PLEKHM1: variants seen among roughly 807,000 people sequenced by gnomAD.
PLEKHM1 encodes pleckstrin homology and RUN domain containing M1, also known as pleckstrin homology domain-containing family M member 1.
A neutral mutation model predicts 94.3 loss-of-function variants in PLEKHM1; 28 were observed. The ratio of observed to expected loss-of-function variants is 0.30; its 90% confidence interval spans 0.22 to 0.41. The LOEUF (loss-of-function observed/expected upper bound fraction) is 0.41, where lower values mean the gene tolerates loss of function less well. Ranked by LOEUF, PLEKHM1 falls within the 10% of genes least tolerant of loss-of-function variation. The pLI is 1.00. For synonymous variants in PLEKHM1, 424 were observed against 581.2 expected, an observed-to-expected ratio of 0.73 and a Z score of 3.89; for missense variants, 907 against 1,358.6, an observed-to-expected ratio of 0.67 and a Z score of 5.22.
At chr17:45,438,217 T>C (rs988792539) in intron 11 of PLEKHM1, among the ~76,000 whole-genome samples, 1 of 152,222 alleles carries the variant, frequency 6.6e-6, no homozygotes, top group Admixed American at 6.5e-5. Flanking sequence ...TGAGATTCAT[T>C]AAAGATCTCT....
chr17:45,449,078 G>A (rs1377849911), intron 8 of PLEKHM1, among the ~76,000 whole-genome samples: 1 of 152,114 alleles, frequency 6.6e-6, no homozygotes, highest in Non-Finnish European at 1.5e-5. Flanking sequence ...CAATAACTGT[G>A]TATTATCTTA....
chr17:45,474,395 G>T (rs1567797390), intron 4 of PLEKHM1, among the ~76,000 whole-genome samples: 1 of 152,070 alleles, frequency 6.6e-6, no homozygotes, highest in Non-Finnish European at 1.5e-5. Context: ...AGAAGGCTCT[G>T]CCCAGTTCTC....
intron 1 of PLEKHM1, among the ~76,000 whole-genome samples, chr17:45,487,432 A>G (rs1249523483): frequency 6.6e-6 from 1 of 152,106 alleles, no homozygotes; most frequent in Non-Finnish European, 1.5e-5. Context: ...AAATTCAGAC[A>G]AACTATTACT....
chr17:45,474,706 T>C (rs1348428413), intron 4 of PLEKHM1, among the ~76,000 whole-genome samples: 2 of 152,234 alleles, frequency 1.3e-5, no homozygotes, highest in Non-Finnish European at 2.9e-5. Flanking sequence ...TATTTATTTA[T>C]TTTTAATTTA....
chr17:45,487,716 G>T (rs183194708), intron 1 of PLEKHM1: 22 of 456,076 alleles, frequency 4.8e-5, no homozygotes, highest in Non-Finnish European at 9.3e-5. Context: ...GAATGACTTG[G>T]ATGAGACTTA....
chr17:45,482,886 G>A (rs1234208410), intron 1 of PLEKHM1, among the ~76,000 whole-genome samples: 1 of 151,542 alleles, frequency 6.6e-6, no homozygotes, highest in Non-Finnish European at 1.5e-5. Context: ...CAGGTTCGAG[G>A]GGGAGGCTGC....
At chr17:45,452,449 G>A (rs1422077434) in intron 7 of PLEKHM1, among the ~76,000 whole-genome samples, 1 of 149,368 alleles carries the variant, frequency 6.7e-6, no homozygotes, top group Non-Finnish European at 1.5e-5. Context: ...AAACAAAAAA[G>A]GAAAATTCTG....
chr17:45,468,140 C>T (rs1277869962), intron 5 of PLEKHM1, 69 bp downstream of exon 5: 5 of 1,605,812 alleles, frequency 3.1e-6, no homozygotes, highest in Non-Finnish European at 4.3e-6. Flanking sequence ...CTCAGGGTCA[C>T]TAGCTGGGGA....
At chr17:45,454,992 G>A (rs985173731) in intron 6 of PLEKHM1, 2 of 159,516 alleles carry the variant, frequency 1.3e-5, no homozygotes, top group African/African-American at 4.8e-5. Context: ...AGCCAGGTGT[G>A]GTGAGCACCT....
At chr17:45,459,141 AAAAAAT>A (rs1272486619) in intron 5 of PLEKHM1, among the ~76,000 whole-genome samples, 15 of 152,144 alleles carry the variant, frequency 9.9e-5, no homozygotes, top group African/African-American at 3.6e-4. Flanking sequence ...CCCATCTCTA[AAAAAAT>A]AAATAAATAA....
In PLEKHM1 at chr17:45,475,957, G is replaced by A. The variant is rs1425940223; in HGVS notation, c.297-231C>T. On this transcript the variant is annotated intron_variant, in intron 3 of 11. Coordinates refer to ENST00000430334, the MANE Select transcript of PLEKHM1 (RefSeq NM_014798.3). ...GAGCTCAGGAATTCGTGACCAGCCT[G>A]GGCAACAGGACGAAACTCTGTCTCT... 6.6e-5 allele frequency: 40 copies of A among 607,030 alleles called. 1 individual carries two copies. In the Admixed American group the frequency reaches 8.7e-4, roughly 13 times the overall value. The allele number at this position is 607,030 out of a possible 1,614,324, so 37.6% of individuals were successfully genotyped here. A position where few individuals can be genotyped will look rare whatever the true frequency, so the allele number is the denominator to read the frequency against.
At position 45,436,091 on chromosome 17, in the gene PLEKHM1, A is replaced by C; in HGVS notation, c.*1767T>G. 1 of 456,566 alleles carries C rather than the reference A, an allele frequency of 2.2e-6. No individual in the cohort carries two copies. The highest frequency in any genetic ancestry group is 1.5e-5 in the South Asian group (1 of 64,576). The allele number at this position is 456,566 out of a possible 1,614,324, so 28.3% of individuals were successfully genotyped here. ...GAGGGGAGGCGGGAAGAGTCAATGC[A>C]TCTGAAAGCACTGGCAGCTTCTGGG... On this transcript the variant is annotated 3_prime_UTR_variant, in exon 12 of 12. Coordinates refer to ENST00000430334, the MANE Select transcript of PLEKHM1 (RefSeq NM_014798.3).
At chr17:45,488,229 G>T (rs1357901315) in intron 1 of PLEKHM1, among the ~76,000 whole-genome samples, 1 of 152,098 alleles carries the variant, frequency 6.6e-6, no homozygotes, top group Non-Finnish European at 1.5e-5. Context: ...GTATCACCCA[G>T]CTTTCCTGTA....
At position 45,444,296 on chromosome 17, in the gene PLEKHM1, C is replaced by G. The variant is rs938741059; in HGVS notation, c.2837+1174G>C. 1.2e-4 allele frequency among the ~76,000 whole-genome samples: 18 copies of G among 152,210 alleles called. No homozygotes were observed. Among genetic ancestry groups the G allele is most frequent in the African/African-American group, 4.3e-4 (18 of 41,444 alleles). The stretch of plus-strand genomic sequence containing the variant: ...ACCGGCAGGCTTCTCCGCCTGAGGT[C>G]TGCCCTCCTGAGGGTGCTGGGAGAG... On this transcript the variant is annotated intron_variant, in intron 9 of 11. Coordinates refer to ENST00000430334, the MANE Select transcript of PLEKHM1 (RefSeq NM_014798.3). This position sits in a 1 kb window ranked among gnomAD's most constrained non-coding sequence, Gnocchi z 5.0.
At chr17:45,489,775 G>T (rs547073585) in intron 1 of PLEKHM1, among the ~76,000 whole-genome samples, 92 of 152,266 alleles carry the variant, frequency 6.0e-4, no homozygotes, top group African/African-American at 2.2e-3. Flanking sequence ...GTTGGCAGGC[G>T]ACTCTGCACT....
chr17:45,456,637 C>T lies in PLEKHM1; in HGVS notation c.1579+1532G>A, dbSNP rs184809560. Among the ~76,000 whole-genome samples, 217 of 152,358 alleles carry T rather than the reference C, an allele frequency of 1.4e-3. 1 individual carries two copies. The highest frequency in any genetic ancestry group is 3.4e-3 in the African/African-American group (141 of 41,580). On this transcript the variant is annotated intron_variant, in intron 6 of 11. Coordinates refer to ENST00000430334, the MANE Select transcript of PLEKHM1 (RefSeq NM_014798.3). ...CAGACAAACCTAACAGAAGCCAGCC[C>T]GGAGACCGGGCTCTACCCACACAAC...
At position 45,439,562 on chromosome 17, in the gene PLEKHM1, C is replaced by T. The variant is rs373939822; in HGVS notation, c.2974G>A (p.Asp992Asn). 1.3e-5 allele frequency: 21 copies of T among 1,614,156 alleles called. No homozygotes were observed. The African/African-American group carries it at 1.6e-4, about 12-fold the overall frequency. Reference sequence around the variant, plus strand: ...ATGAAGCCGCGCTGGGTGCACAGGTCGCAGTGGTAGACATGCTGGGAGGCA... The same window carrying T: ...ATGAAGCCGCGCTGGGTGCACAGGTTGCAGTGGTAGACATGCTGGGAGGCA... Reference protein sequence around the residue: ...EFASQHVYHCDLCTQRGFICQ... With the variant: ...EFASQHVYHCNLCTQRGFICQ... The change falls in exon 11 of 12, where the codon GAC (aspartate) becomes AAC (asparagine). Residue 992 changes from aspartate (D) to asparagine (N), a missense_variant. By Grantham distance (23) the Asp-to-Asn change is conservative. This residue lies in a region of PLEKHM1 where 254 missense variants were observed against 451.1 expected (regional missense o/e 0.56). Coordinates refer to ENST00000430334, the MANE Select transcript of PLEKHM1 (RefSeq NM_014798.3).
chr17:45,458,074 C>T lies in PLEKHM1; in HGVS notation c.1579+95G>A, dbSNP rs76447960. 240 of 906,886 alleles carry T rather than the reference C, an allele frequency of 2.6e-4. No homozygotes were observed. In the African/African-American group the frequency reaches 3.5e-3, roughly 13 times the overall value. The allele number at this position is 906,886 out of a possible 1,614,324, so 56.2% of individuals were successfully genotyped here. A position where few individuals can be genotyped will look rare whatever the true frequency, so the allele number is the denominator to read the frequency against. On this transcript the variant is annotated intron_variant, in intron 6 of 11. Transcript: ENST00000430334. The stretch of plus-strand genomic sequence containing the variant: ...TTATAACACTTGTGGGAACACACTA[C>T]CCCTTTAGCAATGGAAAACAGAACT...
chr17:45,454,099 C>T lies in PLEKHM1; in HGVS notation c.1753G>A (p.Val585Met). The change falls in exon 7 of 12, where the codon GTG becomes ATG. Residue 585 changes from valine to methionine, a missense_variant. Physicochemically the swap from Val to Met is conservative, Grantham distance 21. Transcript: ENST00000430334. ...ENCSLLRCES[V>M]GPAHSDGRFE... ...CGCCCATCACTATGGGCTGGCCCCA[C>T]AGACTCACAGCGAAGCAGCGAGCAG... 1 of 1,614,224 alleles carries T rather than the reference C, an allele frequency of 6.2e-7. No individual in the cohort carries two copies. Among genetic ancestry groups the T allele is most frequent in the Non-Finnish European group, 8.5e-7 (1 of 1,180,058 alleles).
Sources: gnomAD v4.1 joint callset for allele counts (sites outside exome capture counted in the v4.1 genomes callset) on GRCh38, gnomAD v4.1.1 for gene constraint, gnomAD v4.1.1 regional missense constraint, Gnocchi (gnomAD v3.1) non-coding constraint, MANE v1.5 for transcripts, NCBI Gene and HGNC (gene_info 2026-07-23, HGNC 2026-07-21) for gene names.